The following MAN1C1 variants were observed in gnomAD, a reference collection of about 807,000 sequenced individuals.
The protein encoded by MAN1C1 is mannosyl-oligosaccharide 1,2-alpha-mannosidase IC.
Under a neutral mutation model 71.5 loss-of-function variants are expected in MAN1C1, and 49 were observed. The observed-to-expected ratio is 0.69, with a 90% CI of 0.54 to 0.87. The LOEUF (loss-of-function observed/expected upper bound fraction) is 0.87, where lower values mean the gene tolerates loss of function less well. Ranked by LOEUF, MAN1C1 falls within the 40% of genes least tolerant of loss-of-function variation. MAN1C1 has a pLI of 0.00. For missense variants in MAN1C1, 743 were observed against 835.0 expected, an observed-to-expected ratio of 0.89 and a Z score of 1.36; for synonymous variants, 352 against 343.7, an observed-to-expected ratio of 1.02 and a Z score of -0.27.
At chr1:25,677,411 GACAC>G (rs3835656) in intron 1 of MAN1C1, among the ~76,000 whole-genome samples, 54 of 150,104 alleles carry the variant, frequency 3.6e-4, no homozygotes, top group African/African-American at 8.3e-4. Context: ...CTCTAGCAGG[GACAC>G]ACACACACAC....
At chr1:25,777,895 G>A (rs2047639605) in intron 8 of MAN1C1, among the ~76,000 whole-genome samples, 2 of 152,166 alleles carry the variant, frequency 1.3e-5, no homozygotes, top group African/African-American at 4.8e-5. Flanking sequence ...GCTGCCCTGT[G>A]TCTGAGCCTC....
chr1:25,703,144 G>A (rs2046469349), intron 2 of MAN1C1, among the ~76,000 whole-genome samples: 1 of 152,176 alleles, frequency 6.6e-6, no homozygotes, highest in Non-Finnish European at 1.5e-5. Context: ...CAGTTAACCG[G>A]GTTAGGATCC....
intron 1 of MAN1C1, among the ~76,000 whole-genome samples, chr1:25,655,922 TGGGTC>T (rs1455620352): frequency 1.3e-5 from 2 of 151,786 alleles, no homozygotes; most frequent in Non-Finnish European, 2.9e-5. Context: ...CCCAGGGCTG[TGGGTC>T]GGGGAGAGAG....
intron 11 of MAN1C1, 42 bp from the exon 12 acceptor site, chr1:25,783,621 T>C (rs746428849): frequency 3.1e-6 from 5 of 1,601,910 alleles, no homozygotes; most frequent in Non-Finnish European, 4.3e-6. Flanking sequence ...CCCAGGCCAC[T>C]GACAGACTGT....
rs1277950147 is a variant in MAN1C1, at chr1:25,694,237, G to C, written c.637+7701G>C. 2.6e-5 allele frequency among the ~76,000 whole-genome samples: 4 copies of C among 152,180 alleles called. No homozygotes were observed. The East Asian group carries it at 7.7e-4, about 29-fold the overall frequency. ...TCACAGAGTACACTCCGAATCAGCA[G>C]ACAGACCCTGTAAAAAGTAGCAGTT... On this transcript the variant is annotated intron_variant, in intron 2 of 11. Transcript: ENST00000374332.
intron 1 of MAN1C1, among the ~76,000 whole-genome samples, chr1:25,648,410 G>C (rs3767905): frequency 0.087 from 13,252 of 152,242 alleles, 1,262 homozygotes; most frequent in East Asian, 0.22. Context: ...CTTTGTTAGA[G>C]CAGATGATGG....
chr1:25,620,859 GTGT>G (rs1408331791), intron 1 of MAN1C1, among the ~76,000 whole-genome samples: 10 of 152,224 alleles, frequency 6.6e-5, no homozygotes, highest in Non-Finnish European at 1.3e-4. Flanking sequence ...CACCAGGTCT[GTGT>G]TGTTAAGATG....
At position 25,749,277 on chromosome 1, in the gene MAN1C1, A is replaced by C; in HGVS notation, c.776A>C (p.Glu259Ala). The C allele has an allele frequency of 6.2e-7, 1 of 1,612,590 alleles. No homozygotes were observed. The highest frequency in any genetic ancestry group is 8.5e-7 in the Non-Finnish European group (1 of 1,179,358). The change falls in exon 4 of 12, where the codon GAG becomes GCG. Residue 259 changes from glutamate to alanine, a missense_variant. By Grantham distance (107) the Glu-to-Ala change is moderately radical. Transcript: ENST00000374332. ...LNVSGEASLFEVNIRYIGGLL... is the reference protein window; with the variant it reads ...LNVSGEASLFAVNIRYIGGLL... ...CAGAGCGGAGAAGCATCCTTGTTTG[A>C]GGTGAACATCCGCTACATCGGGGGA...
At chr1:25,758,976 G>C in intron 6 of MAN1C1, 1 of 438,892 alleles carries the variant, frequency 2.3e-6, no homozygotes, top group Non-Finnish European at 4.2e-6. Flanking sequence ...GTTCTCACTG[G>C]TCTGCGTGAG....
chr1:25,728,900 GT>G (rs2046870474), intron 2 of MAN1C1, among the ~76,000 whole-genome samples: 1 of 152,204 alleles, frequency 6.6e-6, no homozygotes, highest in Admixed American at 6.5e-5. Context: ...TGAGAGTTTG[GT>G]CACCTAGGCG....
At chr1:25,749,200 G>C (rs2047178300) in intron 3 of MAN1C1, 55 bp from the exon 4 acceptor site, 2 of 1,471,462 alleles carry the variant, frequency 1.4e-6, no homozygotes, top group African/African-American at 1.4e-5. Context: ...CCTGTCTCAA[G>C]GGCCTGCATC....
At chr1:25,683,052 AAG>A (rs1190447218) in intron 1 of MAN1C1, among the ~76,000 whole-genome samples, 16 of 151,896 alleles carry the variant, frequency 1.1e-4, no homozygotes, top group Admixed American at 9.8e-4. Flanking sequence ...AAAAAAAAAA[AAG>A]AGACTACTAT....
At position 25,686,448 on chromosome 1, in the gene MAN1C1, GT is replaced by G; in HGVS notation, c.552del (p.Phe184LeufsTer19). 1 of 1,614,080 alleles carries G rather than the reference GT, an allele frequency of 6.2e-7. No homozygotes were observed. The highest frequency in any genetic ancestry group is 8.5e-7 in the Non-Finnish European group (1 of 1,179,944). On this transcript the variant is annotated frameshift_variant, in exon 2 of 12. Transcript: ENST00000374332. LOFTEE classifies it high-confidence loss of function. ...GCTGCTTTTTCTTGCAGATGATGCA[GT>G]TTGCTTGGCAGAGCTATAAGCGTTA... The part of the protein sequence containing the change: ...QREKIKEMMQ[F>X]AWQSYKRYAM...
chr1:25,731,347 C>T (rs956182453), intron 2 of MAN1C1, among the ~76,000 whole-genome samples: 8 of 151,838 alleles, frequency 5.3e-5, no homozygotes, highest in Non-Finnish European at 8.8e-5. Flanking sequence ...TCATCATCAT[C>T]ATCATCATCA....
chr1:25,755,488 T>C lies in MAN1C1; in HGVS notation c.929+1910T>C, dbSNP rs987681260. 7.2e-5 allele frequency among the ~76,000 whole-genome samples: 11 copies of C among 152,312 alleles called. No homozygotes were observed. In the East Asian group the frequency reaches 2.1e-3, roughly 29 times the overall value. ...TCACAAACGAATATCCATTTACACA[T>C]GCATGCTCCCGCCACACACAAATAG... On this transcript the variant is annotated intron_variant, in intron 5 of 11. Coordinates refer to ENST00000374332, the MANE Select transcript of MAN1C1 (RefSeq NM_020379.4).
At chr1:25,720,029 C>T (rs1388039781) in intron 2 of MAN1C1, among the ~76,000 whole-genome samples, 1 of 152,202 alleles carries the variant, frequency 6.6e-6, no homozygotes, top group African/African-American at 2.4e-5. Flanking sequence ...AGTGATCCAC[C>T]TGCCTCAGCC....
chr1:25,655,435 C>T (rs931633397), intron 1 of MAN1C1, among the ~76,000 whole-genome samples: 3 of 152,310 alleles, frequency 2.0e-5, no homozygotes, highest in Admixed American at 6.5e-5. Flanking sequence ...TCTCAAAATA[C>T]CAAATAACTA....
chr1:25,677,444 A>G (rs2046085207), intron 1 of MAN1C1, among the ~76,000 whole-genome samples: 1 of 152,054 alleles, frequency 6.6e-6, no homozygotes, highest in African/African-American at 2.4e-5. Context: ...ACACACACAC[A>G]ATGACTGCCT....
chr1:25,777,657 T>A (rs1472498584), intron 8 of MAN1C1: 1 of 156,482 alleles, frequency 6.4e-6, no homozygotes, highest in African/African-American at 2.4e-5. Flanking sequence ...TTTGAGAAAC[T>A]GGTAAGAATA....
Sources: gnomAD v4.1 joint callset for allele counts (sites outside exome capture counted in the v4.1 genomes callset) on GRCh38, gnomAD v4.1.1 for gene constraint, MANE v1.5 for transcripts, NCBI Gene and HGNC (gene_info 2026-07-23, HGNC 2026-07-21) for gene names.